KLF12: variants seen among roughly 807,000 people sequenced by gnomAD.
The protein encoded by KLF12 is Krueppel-like factor 12.
In KLF12, 9 loss-of-function variants were observed where a neutral mutation model predicts 37.8. The ratio of observed to expected loss-of-function variants is 0.24; its 90% CI spans 0.14 to 0.42. The LOEUF (loss-of-function observed/expected upper bound fraction) is 0.42, where lower values mean the gene tolerates loss of function less well. KLF12 is among the 10% of genes least tolerant of loss of function. KLF12 has a pLI of 1.00. For missense variants in KLF12, 411 were observed against 516.0 expected (o/e 0.80, Z 1.97); for synonymous variants, 208 against 202.1 (o/e 1.03, Z -0.25).
chr13:73,793,413 T>TA (rs1881797821), intron 5 of KLF12, among the ~76,000 whole-genome samples: 1 of 152,200 alleles, frequency 6.6e-6, no homozygotes, highest in African/African-American at 2.4e-5. Flanking sequence ...CCCAAACACT[T>TA]CTATAAGACC....
At chr13:74,125,547 T>C (rs1360978) in intron 1 of KLF12, among the ~76,000 whole-genome samples, 114,179 of 152,174 alleles carry the variant, frequency 0.75, 44,774 homozygotes, top group East Asian at 0.94. Flanking sequence ...GTTATTATTA[T>C]TTGTATTATG....
At chr13:73,917,627 A>C (rs1257711331) in intron 3 of KLF12, among the ~76,000 whole-genome samples, 2 of 152,350 alleles carry the variant, frequency 1.3e-5, no homozygotes, top group East Asian at 3.9e-4. Flanking sequence ...CAAGGAAGAG[A>C]AAGATAGTAA....
At chr13:73,738,124 T>TACACACAC (rs199524649) in intron 6 of KLF12, among the ~76,000 whole-genome samples, 5 of 81,928 alleles carry the variant, frequency 6.1e-5, no homozygotes, top group African/African-American at 1.6e-4. Context: ...TATATATATA[T>TACACACAC]ACACACACAC....
At chr13:73,711,583 T>G (rs932986871) in intron 7 of KLF12, among the ~76,000 whole-genome samples, 2 of 152,192 alleles carry the variant, frequency 1.3e-5, no homozygotes, top group African/African-American at 4.8e-5. Context: ...GTTTACTGAA[T>G]GTTTTAAGCC....
intron 1 of KLF12, among the ~76,000 whole-genome samples, chr13:74,034,030 A>G (rs112421905): frequency 6.7e-6 from 1 of 149,902 alleles, no homozygotes; most frequent in Non-Finnish European, 1.5e-5. Flanking sequence ...TCATCTGTTT[A>G]CTGGTCATTT....
the KLF12 span, among the ~76,000 whole-genome samples, chr13:74,298,349 A>G: frequency 6.6e-6 from 1 of 152,300 alleles, no homozygotes; most frequent in South Asian, 2.1e-4. Context: ...GAAATTGGGC[A>G]GGTGTCATCT....
In KLF12 at chr13:73,899,627, C is replaced by T. The variant is rs190445872; in HGVS notation, c.123+44354G>A. Among the ~76,000 whole-genome samples, 585 of 152,222 alleles carry T rather than the reference C, an allele frequency of 3.8e-3. 5 individuals carry two copies. Among genetic ancestry groups the T allele is most frequent in the Non-Finnish European group, 3.7e-3 (252 of 68,018 alleles). On this transcript the variant is annotated intron_variant, in intron 3 of 7. Transcript: ENST00000377669. ...AGTGGACTGAGAAGGAAGATCCGCA[C>T]TTATCCAATGTAGGCAGGCACCATC...
chr13:73,983,605 A>T (rs567121039), intron 2 of KLF12, among the ~76,000 whole-genome samples: 1 of 152,310 alleles, frequency 6.6e-6, no homozygotes, highest in South Asian at 2.1e-4. Flanking sequence ...CTATCTGGAC[A>T]AGTCCCTGGT....
At chr13:74,125,483 G>A (rs1314953642) in intron 1 of KLF12, among the ~76,000 whole-genome samples, 1 of 152,120 alleles carries the variant, frequency 6.6e-6, no homozygotes, top group African/African-American at 2.4e-5. Context: ...TGTAGTAGGA[G>A]CTAAATACGT....
At chr13:74,194,204 T>C in the KLF12 span, among the ~76,000 whole-genome samples, 1 of 151,994 alleles carries the variant, frequency 6.6e-6, no homozygotes, top group Non-Finnish European at 1.5e-5. Context: ...TCTGGGGTGG[T>C]GGTGGTGAAA....
At chr13:73,868,622 A>G (rs1886314076) in intron 3 of KLF12, among the ~76,000 whole-genome samples, 1 of 151,968 alleles carries the variant, frequency 6.6e-6, no homozygotes, top group South Asian at 2.1e-4. Context: ...CGAACTCCTG[A>G]CCTCATGATT....
At chr13:74,181,283 C>CCACTG in the KLF12 span, among the ~76,000 whole-genome samples, 1 of 148,292 alleles carries the variant, frequency 6.7e-6, no homozygotes, top group Non-Finnish European at 1.5e-5. Context: ...CAGGCGTGAG[C>CCACTG]CACTGCACCC....
intron 2 of KLF12, among the ~76,000 whole-genome samples, chr13:73,956,365 T>C (rs1468493805): frequency 2.0e-5 from 3 of 152,204 alleles, no homozygotes; most frequent in African/African-American, 7.2e-5. Flanking sequence ...AACTCACATA[T>C]TCTTTGAGAC....
chr13:74,302,470 G>A, the KLF12 span, among the ~76,000 whole-genome samples: 1 of 152,036 alleles, frequency 6.6e-6, no homozygotes, highest in South Asian at 2.1e-4. Context: ...CTCTGGTTGT[G>A]AGCAGCTGTA....
intron 7 of KLF12, among the ~76,000 whole-genome samples, chr13:73,705,625 C>A (rs1566308441): frequency 6.6e-6 from 1 of 152,074 alleles, no homozygotes; most frequent in Non-Finnish European, 1.5e-5. Flanking sequence ...AAATACAATT[C>A]CTTATTGTCT....
At chr13:73,779,728 C>T (rs1208700152) in intron 5 of KLF12, among the ~76,000 whole-genome samples, 1 of 152,196 alleles carries the variant, frequency 6.6e-6, no homozygotes, top group African/African-American at 2.4e-5. Flanking sequence ...ATCTGAAGTG[C>T]TAGCAGTCTT....
At chr13:74,094,067 A>G (rs1875836216) in intron 1 of KLF12, among the ~76,000 whole-genome samples, 1 of 152,190 alleles carries the variant, frequency 6.6e-6, no homozygotes, top group Non-Finnish European at 1.5e-5. Flanking sequence ...ATATAATTTT[A>G]AAGCCATTTC....
chr13:73,771,993 G>C (rs1389495183), intron 5 of KLF12, among the ~76,000 whole-genome samples: 4 of 152,220 alleles, frequency 2.6e-5, no homozygotes, highest in Non-Finnish European at 5.9e-5. Flanking sequence ...CCAGAGGGGA[G>C]AGATTCTTGC....
chr13:73,739,637 T>C (rs9543441), intron 6 of KLF12, among the ~76,000 whole-genome samples: 13,045 of 147,532 alleles, frequency 0.088, 665 homozygotes, highest in South Asian at 0.16. Flanking sequence ...TCCACTGCTG[T>C]TATCTGACAT....
Sources: allele counts gnomAD v4.1 joint callset (sites outside exome capture counted in the v4.1 genomes callset), GRCh38; gene constraint gnomAD v4.1.1; transcripts MANE v1.5; gene names NCBI Gene and HGNC (gene_info 2026-07-23, HGNC 2026-07-21).